The following RASGRF2 variants were observed in gnomAD, a reference collection of about 807,000 sequenced individuals.
RASGRF2 encodes Ras protein specific guanine nucleotide releasing factor 2, also known as ras-specific guanine nucleotide-releasing factor 2.
Under a neutral mutation model 151.0 loss-of-function variants are expected in RASGRF2, and 76 were observed. The observed-to-expected ratio is 0.50, with a 90% CI of 0.42 to 0.61. RASGRF2 has a LOEUF of 0.61. RASGRF2 is among the 20% of genes least tolerant of loss of function. RASGRF2 has a pLI of 0.00. For synonymous variants in RASGRF2, 504 were observed against 566.5 expected (o/e 0.89, Z 1.57); for missense variants, 1,148 against 1,564.6 (o/e 0.73, Z 4.49).
chr5:81,120,157 C>A (rs1234944214), intron 15 of RASGRF2, among the ~76,000 whole-genome samples: 3 of 152,198 alleles, frequency 2.0e-5, no homozygotes, highest in Non-Finnish European at 2.9e-5. Flanking sequence ...CACTTCTTTG[C>A]ATCTTTATTT....
intron 24 of RASGRF2, among the ~76,000 whole-genome samples, chr5:81,216,586 T>C (rs1335244008): frequency 6.6e-6 from 1 of 152,240 alleles, no homozygotes; most frequent in East Asian, 1.9e-4. Flanking sequence ...AAGTATTTAC[T>C]AAATGACAGG....
chr5:81,199,329 G>A (rs926871416), intron 18 of RASGRF2, among the ~76,000 whole-genome samples: 74 of 152,142 alleles, frequency 4.9e-4, no homozygotes, highest in Non-Finnish European at 8.4e-4. Context: ...ATCAATTTAT[G>A]CATTTTAGGC....
chr5:81,209,915 G>A (rs1483532448), intron 22 of RASGRF2, among the ~76,000 whole-genome samples: 1 of 152,140 alleles, frequency 6.6e-6, no homozygotes, highest in Non-Finnish European at 1.5e-5. Context: ...ACTCACCCAA[G>A]CACAGGATCT....
chr5:81,189,224 T>C (rs889748123), intron 18 of RASGRF2, among the ~76,000 whole-genome samples: 5 of 152,178 alleles, frequency 3.3e-5, no homozygotes, highest in African/African-American at 1.2e-4. Context: ...ACCCCCGCTG[T>C]TCTTGAAGCC....
intron 1 of RASGRF2, among the ~76,000 whole-genome samples, chr5:80,963,535 T>C (rs576952970): frequency 1.3e-5 from 2 of 152,362 alleles, no homozygotes; most frequent in Admixed American, 6.5e-5. Context: ...AATAATGGCA[T>C]CTTCTATTTC....
chr5:81,211,614 C>T (rs912931993), intron 22 of RASGRF2, among the ~76,000 whole-genome samples: 1 of 152,174 alleles, frequency 6.6e-6, no homozygotes, highest in Non-Finnish European at 1.5e-5. Flanking sequence ...TAAGTGTCTT[C>T]AGAATCATCA....
At chr5:81,057,880 C>T (rs1413483230) in intron 2 of RASGRF2, among the ~76,000 whole-genome samples, 1 of 151,906 alleles carries the variant, frequency 6.6e-6, no homozygotes, top group Non-Finnish European at 1.5e-5. Context: ...CCTGTAGTCC[C>T]AGCTATTTGG....
intron 18 of RASGRF2, among the ~76,000 whole-genome samples, chr5:81,188,902 C>G (rs1033219672): frequency 6.6e-6 from 1 of 152,160 alleles, no homozygotes; most frequent in Non-Finnish European, 1.5e-5. Flanking sequence ...AGATGCAGAC[C>G]GCTCAAAATG....
At chr5:80,971,108 A>G (rs1409507420) in intron 1 of RASGRF2, among the ~76,000 whole-genome samples, 1 of 152,246 alleles carries the variant, frequency 6.6e-6, no homozygotes, top group Non-Finnish European at 1.5e-5. Context: ...TACATCAGAA[A>G]AGTACACACA....
chr5:81,119,633 T>A (rs1194725929), intron 15 of RASGRF2, among the ~76,000 whole-genome samples: 5 of 152,182 alleles, frequency 3.3e-5, no homozygotes, highest in African/African-American at 7.2e-5. Context: ...GTACAGATAT[T>A]GGACAGAGTG....
rs549288419 is a variant in RASGRF2 at position 81,162,329 on chromosome 5, T to TG, written c.2687-17840dup. Among the ~76,000 whole-genome samples the TG allele has an allele frequency of 8.1e-3, 1,221 of 150,742 alleles. 6 individuals carry two copies. Among genetic ancestry groups the TG allele is most frequent in the Middle Eastern group, 0.027 (8 of 292 alleles). On this transcript the variant is annotated intron_variant, in intron 17 of 26. Coordinates refer to ENST00000265080, the MANE Select transcript of RASGRF2 (RefSeq NM_006909.3). ...TGGTACCTCTAAATGTGGAATGTGC[T>TG]GGGGGGTTTTTTTGTTTTGTTTTTG...
chr5:81,139,336 G>A (rs1364128758), intron 17 of RASGRF2, among the ~76,000 whole-genome samples: 1 of 150,038 alleles, frequency 6.7e-6, no homozygotes, highest in South Asian at 2.1e-4. Context: ...CATTTCTTCT[G>A]TGAATAAAGA....
chr5:81,018,557 G>A (rs755396204), intron 1 of RASGRF2, among the ~76,000 whole-genome samples: 12 of 152,098 alleles, frequency 7.9e-5, no homozygotes, highest in Non-Finnish European at 1.0e-4. Context: ...ACTGAGATAT[G>A]TGAAGATTAA....
At chr5:81,065,395 C>T (rs922170183) in intron 2 of RASGRF2, among the ~76,000 whole-genome samples, 8 of 152,138 alleles carry the variant, frequency 5.3e-5, no homozygotes, top group East Asian at 3.9e-4. Context: ...CTTGTGTCCA[C>T]GGTGAATGTC....
At chr5:81,188,855 A>C (rs1290204724) in intron 18 of RASGRF2, among the ~76,000 whole-genome samples, 1 of 152,156 alleles carries the variant, frequency 6.6e-6, no homozygotes, top group South Asian at 2.1e-4. Flanking sequence ...GGGAACCCCC[A>C]ATCTTGCAGC....
intron 1 of RASGRF2, among the ~76,000 whole-genome samples, chr5:81,036,975 G>A (rs1314426339): frequency 6.6e-6 from 1 of 152,198 alleles, no homozygotes; most frequent in Non-Finnish European, 1.5e-5. Context: ...TGGACTCACA[G>A]TTCCATGTGT....
chr5:81,063,662 A>G (rs1751509604), intron 2 of RASGRF2, among the ~76,000 whole-genome samples: 2 of 151,976 alleles, frequency 1.3e-5, no homozygotes, highest in Admixed American at 1.3e-4. Flanking sequence ...TTTTCCTTTT[A>G]TATTTCCAAT....
chr5:81,171,567 G>A (rs950972288), intron 17 of RASGRF2, among the ~76,000 whole-genome samples: 1 of 152,004 alleles, frequency 6.6e-6, no homozygotes, highest in Non-Finnish European at 1.5e-5. Flanking sequence ...GTGTGTGTGT[G>A]TGTGTATGTG....
At chr5:81,024,861 C>T (rs940048969) in intron 1 of RASGRF2, among the ~76,000 whole-genome samples, 5 of 152,164 alleles carry the variant, frequency 3.3e-5, no homozygotes, top group Non-Finnish European at 7.3e-5. Context: ...CTCAGGCAGA[C>T]GAATTTAAAG....
Sources: gnomAD v4.1 joint callset for allele counts (sites outside exome capture counted in the v4.1 genomes callset) on GRCh38, gnomAD v4.1.1 for gene constraint, MANE v1.5 for transcripts, NCBI Gene and HGNC (gene_info 2026-07-23, HGNC 2026-07-21) for gene names.